TLL1: variants seen among roughly 807,000 people sequenced by gnomAD.
TLL1 encodes the protein tolloid like 1.
A neutral mutation model predicts 128.2 loss-of-function variants in TLL1; 49 were observed. The observed-to-expected ratio is 0.38, with a 90% CI of 0.30 to 0.48. The LOEUF (loss-of-function observed/expected upper bound fraction) is 0.48, where lower values mean the gene tolerates loss of function less well. TLL1 is among the 20% of genes least tolerant of loss of function. TLL1 has a pLI of 0.96. For missense variants in TLL1, 1,123 were observed against 1,242.0 expected, an observed-to-expected ratio of 0.90 and a Z score of 1.44; for synonymous variants, 454 against 418.8, an observed-to-expected ratio of 1.08 and a Z score of -1.03.
chr4:165,890,189 C>G (rs1207726887), intron 1 of TLL1, among the ~76,000 whole-genome samples: 1 of 152,192 alleles, frequency 6.6e-6, no homozygotes, highest in East Asian at 1.9e-4. Flanking sequence ...TCAATTAACT[C>G]TCACCATGTC....
chr4:165,900,288 C>T (rs750367035), intron 1 of TLL1, among the ~76,000 whole-genome samples: 6 of 151,510 alleles, frequency 4.0e-5, no homozygotes, highest in Non-Finnish European at 7.4e-5. Flanking sequence ...TGATGATAGC[C>T]GGTTATTTTG....
chr4:166,057,983 A>G (rs1050972814), intron 14 of TLL1, among the ~76,000 whole-genome samples: 1 of 152,180 alleles, frequency 6.6e-6, no homozygotes, highest in Non-Finnish European at 1.5e-5. Context: ...GTTTCTATCT[A>G]GATTCATCTA....
chr4:166,001,896 AC>A (rs1737179121), intron 5 of TLL1, among the ~76,000 whole-genome samples: 1 of 152,156 alleles, frequency 6.6e-6, no homozygotes, highest in Non-Finnish European at 1.5e-5. Flanking sequence ...ATTCTATTTG[AC>A]AGTCCAGGAG....
chr4:165,934,238 C>G (rs1174567833), intron 1 of TLL1, among the ~76,000 whole-genome samples: 1 of 144,108 alleles, frequency 6.9e-6, no homozygotes, highest in Non-Finnish European at 1.5e-5. Flanking sequence ...TGGTCTTGAA[C>G]TCCTGACCTC....
In TLL1 at chr4:166,089,856, T is replaced by C. The variant is rs115813372; in HGVS notation, c.2443-1272T>C. ...TTTTTCCCCCTTTTCTTTCTTCCGT[T>C]AAGTAACTCCATTCCTTTCTTCTAC... On this transcript the variant is annotated intron_variant, in intron 18 of 20. Transcript: ENST00000061240. Among the ~76,000 whole-genome samples the C allele has an allele frequency of 4.0e-3, 608 of 152,232 alleles. 3 individuals are homozygous for C. Among genetic ancestry groups the C allele is most frequent in the Non-Finnish European group, 7.3e-3 (499 of 68,000 alleles).
At chr4:165,931,797 C>T (rs563871231) in intron 1 of TLL1, among the ~76,000 whole-genome samples, 9 of 151,984 alleles carry the variant, frequency 5.9e-5, no homozygotes, top group Non-Finnish European at 1.2e-4. Flanking sequence ...GCTCATTTCA[C>T]GATACCACAC....
At chr4:165,918,866 T>G (rs1732903444) in intron 1 of TLL1, among the ~76,000 whole-genome samples, 1 of 152,122 alleles carries the variant, frequency 6.6e-6, no homozygotes, top group African/African-American at 2.4e-5. Context: ...GGAGAGTAAA[T>G]GAAGACCCTG....
intron 17 of TLL1, 49 bp from the exon 18 acceptor site, chr4:166,077,854 A>T: frequency 1.2e-6 from 2 of 1,610,870 alleles, no homozygotes; most frequent in South Asian, 1.1e-5. Context: ...TTCTGCCTCA[A>T]ACCTGGGCTG....
At chr4:165,908,582 CAAAA>C (rs575726410) in intron 1 of TLL1, among the ~76,000 whole-genome samples, 10 of 63,558 alleles carry the variant, frequency 1.6e-4, no homozygotes, top group Non-Finnish European at 2.0e-4. Flanking sequence ...GACCCTGTCT[CAAAA>C]AAAAAAAAAA....
Position 166,073,296 on chromosome 4 carries a change from C to T in TLL1, c.2189-1582C>T, listed in dbSNP as rs980759368. Among the ~76,000 whole-genome samples the T allele has an allele frequency of 2.0e-5, 3 of 152,032 alleles. No homozygotes were observed. In the South Asian group the frequency reaches 6.2e-4, roughly 31 times the overall value. ...GTAGGAAGTATCGTTTACTGTCCACCCATTCTGTAGAAGTCATTTATAATT... is the reference window on the plus strand; with the variant it reads ...GTAGGAAGTATCGTTTACTGTCCACTCATTCTGTAGAAGTCATTTATAATT... On this transcript the variant is annotated intron_variant, in intron 16 of 20. Transcript: ENST00000061240.
At chr4:165,916,408 G>A (rs1732776297) in intron 1 of TLL1, among the ~76,000 whole-genome samples, 1 of 152,146 alleles carries the variant, frequency 6.6e-6, no homozygotes, top group South Asian at 2.1e-4. Context: ...TATGTAAAAA[G>A]ACGAAAAAGT....
intron 1 of TLL1, among the ~76,000 whole-genome samples, chr4:165,881,840 T>TGGATGTG (rs1230372675): frequency 6.6e-6 from 1 of 152,154 alleles, no homozygotes; most frequent in Non-Finnish European, 1.5e-5. Context: ...GGGGCTGGGT[T>TGGATGTG]GGATGTGGGT....
chr4:165,956,881 C>T (rs574019092), intron 1 of TLL1, among the ~76,000 whole-genome samples: 34 of 152,104 alleles, frequency 2.2e-4, no homozygotes, highest in Non-Finnish European at 4.3e-4. Context: ...CCTGACTTCC[C>T]GCAATACCTG....
chr4:166,005,648 G>A (rs557343284), intron 6 of TLL1, among the ~76,000 whole-genome samples: 1 of 152,016 alleles, frequency 6.6e-6, no homozygotes, highest in South Asian at 2.1e-4. Context: ...CACTAGGAGG[G>A]AAATAAAGAG....
chr4:165,933,807 T>C (rs7679471), intron 1 of TLL1, among the ~76,000 whole-genome samples: 6,019 of 152,196 alleles, frequency 0.04, 366 homozygotes, highest in African/African-American at 0.13. Context: ...TTTCTTCCAG[T>C]ATGTCCGAGC....
intron 8 of TLL1, among the ~76,000 whole-genome samples, chr4:166,017,050 A>G (rs1358468922): frequency 6.6e-6 from 1 of 152,016 alleles, no homozygotes; most frequent in Non-Finnish European, 1.5e-5. Context: ...GGTTCTAAGC[A>G]TAGAACCCAA....
intron 9 of TLL1, among the ~76,000 whole-genome samples, chr4:166,036,951 G>A (rs1412893714): frequency 2.6e-5 from 4 of 152,046 alleles, no homozygotes; most frequent in Admixed American, 2.6e-4. Context: ...GAAGAAGGCA[G>A]TAGAAGCTAT....
At chr4:165,897,721 T>C (rs1347859639) in intron 1 of TLL1, among the ~76,000 whole-genome samples, 1 of 150,542 alleles carries the variant, frequency 6.6e-6, no homozygotes, top group Non-Finnish European at 1.5e-5. Context: ...GGCCCTTTTT[T>C]GGTTTCATAT....
At chr4:166,066,219 G>A (rs1740569723) in intron 16 of TLL1, among the ~76,000 whole-genome samples, 1 of 151,026 alleles carries the variant, frequency 6.6e-6, no homozygotes, top group South Asian at 2.1e-4. Flanking sequence ...TATTAAAATT[G>A]TGCTTAGCCT....
Sources: allele counts gnomAD v4.1 joint callset (sites outside exome capture counted in the v4.1 genomes callset), GRCh38; gene constraint gnomAD v4.1.1; transcripts MANE v1.5; gene names NCBI Gene and HGNC (gene_info 2026-07-23, HGNC 2026-07-21).